The following KMT2C variants were observed in gnomAD, a reference collection of about 807,000 sequenced individuals.
KMT2C encodes histone-lysine N-methyltransferase 2C.
A neutral mutation model predicts 507.9 loss-of-function variants in KMT2C; 88 were observed. That is an observed-to-expected ratio of 0.17 (90% CI 0.15 to 0.21). The LOEUF is 0.21. Ranked by LOEUF, KMT2C falls within the 10% of genes least tolerant of loss-of-function variation. The pLI, the probability that KMT2C is intolerant of heterozygous loss-of-function variation, is 1.00. For missense variants in KMT2C, 4,954 were observed against 5,957.8 expected (o/e 0.83, Z 5.55); for synonymous variants, 2,049 against 2,080.8 (o/e 0.98, Z 0.42).
At position 152,352,744 on chromosome 7, in the gene KMT2C, G is replaced by C. The variant is rs574262341; in HGVS notation, c.250+5843C>G. ...AATACTATTCTCCACTAAAAAACTA[G>C]AAGTCCTTAGAGAATAGCTGATTTC... On this transcript the variant is annotated intron_variant, in intron 2 of 58. Coordinates refer to ENST00000262189, the MANE Select transcript of KMT2C (RefSeq NM_170606.3). Among the ~76,000 whole-genome samples the C allele has an allele frequency of 3.3e-5, 5 of 152,198 alleles. No homozygotes were observed. The East Asian group carries it at 9.6e-4, about 29-fold the overall frequency.
intron 6 of KMT2C, among the ~76,000 whole-genome samples, chr7:152,290,258 G>GTGTGTGTA (rs1337492088): frequency 7.6e-5 from 2 of 26,242 alleles, no homozygotes; most frequent in African/African-American, 2.8e-4. Context: ...GTGTGTATGT[G>GTGTGTGTA]TATATATATA....
rs555789247 is a variant in KMT2C at position 152,138,823 on chromosome 7, G to A, written c.14616C>T (p.Ser4872=). The change falls in exon 58 of 59, where the codon TCC becomes TCT. Residue 4872 remains serine, a synonymous_variant. Transcript: ENST00000262189. The surrounding 1 kb of genome is among the most constrained non-coding windows in gnomAD (Gnocchi z 4.2). The part of the protein sequence containing the change: ...FERGHKIIIS[S]SRRIQKGEEL... ...CTTCTCCTTTCTGGATTCTCCGACTGGAGCTGATGATAATTTTGTGTCCTC... is the reference window on the plus strand; with the variant it reads ...CTTCTCCTTTCTGGATTCTCCGACTAGAGCTGATGATAATTTTGTGTCCTC... 2 of 1,609,582 alleles carry A rather than the reference G, an allele frequency of 1.2e-6. No individual in the cohort carries two copies. The highest frequency in any genetic ancestry group is 1.1e-5 in the South Asian group (1 of 90,026).
chr7:152,169,127 C>T, intron 41 of KMT2C, 59 bp downstream of exon 41: 1 of 1,074,858 alleles, frequency 9.3e-7, no homozygotes, highest in Non-Finnish European at 1.5e-6. Flanking sequence ...TAGAACAGCA[C>T]ACATAGAGTG....
At chr7:152,277,333 A>G (rs73483017) in intron 6 of KMT2C, among the ~76,000 whole-genome samples, 6,758 of 152,254 alleles carry the variant, frequency 0.044, 238 homozygotes, top group South Asian at 0.089. Flanking sequence ...AAGTAAGAGA[A>G]AGAGGTAGAA....
In KMT2C at chr7:152,248,574, A is replaced by C. The variant is rs755300126; in HGVS notation, c.1860T>G (p.Ser620=). 6.2e-7 allele frequency: 1 copy of C among 1,613,558 alleles called. No homozygotes were observed. Among genetic ancestry groups the C allele is most frequent in the Non-Finnish European group, 8.5e-7 (1 of 1,179,580 alleles). The change falls in exon 14 of 59, where the codon TCT becomes TCG. Residue 620 remains serine, a synonymous_variant. Coordinates refer to ENST00000262189, the MANE Select transcript of KMT2C (RefSeq NM_170606.3). The stretch of plus-strand genomic sequence containing the variant: ...TCAGGTCTTCACTATCAACTTCATT[A>C]GAAATCTGTTTTTCCAATTCAGTAT... ...TVNTELEKQI[S]NEVDSEDLKM... is the part of the protein sequence containing the mutation.
intron 2 of KMT2C, among the ~76,000 whole-genome samples, chr7:152,345,741 A>C (rs760691156): frequency 6.6e-6 from 1 of 152,106 alleles, no homozygotes; most frequent in Non-Finnish European, 1.5e-5. Context: ...GGCTGGACTC[A>C]AACTCCTGAC....
rs1401087287 is a variant in KMT2C, at chr7:152,153,023, C to A, written c.12277-69G>T. 8 of 1,553,874 alleles carry A rather than the reference C, an allele frequency of 5.1e-6. No individual in the cohort carries two copies. In the African/African-American group the frequency reaches 9.5e-5, roughly 18 times the overall value. On this transcript the variant is annotated intron_variant, in intron 48 of 58. Transcript: ENST00000262189. Reference sequence around the variant, plus strand: ...CAGTGAACCACTGAAGAAAAATACACACTTAGGATAAATCCTCTTTGCATG... The same window carrying A: ...CAGTGAACCACTGAAGAAAAATACAAACTTAGGATAAATCCTCTTTGCATG...
At chr7:152,434,471 A>T (rs569649820) in intron 1 of KMT2C, among the ~76,000 whole-genome samples, 9 of 152,298 alleles carry the variant, frequency 5.9e-5, no homozygotes, top group Admixed American at 2.6e-4. Context: ...ATCACCAAAC[A>T]ACAATACTAT....
chr7:152,339,849 T>C (rs7799662), intron 2 of KMT2C, among the ~76,000 whole-genome samples: 18,431 of 152,144 alleles, frequency 0.12, 2,811 homozygotes, highest in African/African-American at 0.36. Flanking sequence ...CATATATAGA[T>C]ACAAAGATTT....
Position 152,222,016 on chromosome 7 carries a change from T to C in KMT2C, c.3484A>G (p.Lys1162Glu). ...CAAATTTTACCTAGCTCTTTTACTT[T>C]TGTGACAATTTGTGCTACAAGTGAA... ...ESSLVAQIVTKVKELDPPKTY... is the reference protein window; with the variant it reads ...ESSLVAQIVTEVKELDPPKTY... Residue 1162 changes from lysine (K) to glutamate (E), a missense_variant, in exon 22 of 59, where the codon AAA becomes GAA. Transcript: ENST00000262189. 6.2e-7 allele frequency: 1 copy of C among 1,605,338 alleles called. No individual in the cohort carries two copies. Among genetic ancestry groups the C allele is most frequent in the Non-Finnish European group, 8.5e-7 (1 of 1,176,592 alleles).
At chr7:152,364,176 C>T (rs954358200) in intron 1 of KMT2C, among the ~76,000 whole-genome samples, 1 of 152,178 alleles carries the variant, frequency 6.6e-6, no homozygotes, top group Non-Finnish European at 1.5e-5. Flanking sequence ...AACTTAACTA[C>T]TGGGCATAAT....
At chr7:152,325,466 G>T (rs76017108) in intron 3 of KMT2C, among the ~76,000 whole-genome samples, 1 of 136,438 alleles carries the variant, frequency 7.3e-6, no homozygotes, top group Non-Finnish European at 1.6e-5. Context: ...TTTTATGTGT[G>T]TTTTTTTTTT....
chr7:152,326,032 C>A (rs2096825693), intron 3 of KMT2C, among the ~76,000 whole-genome samples: 1 of 151,348 alleles, frequency 6.6e-6, no homozygotes, highest in Non-Finnish European at 1.5e-5. Flanking sequence ...AATCATGTAT[C>A]TGTATCTGGG....
intron 11 of KMT2C, among the ~76,000 whole-genome samples, chr7:152,251,195 C>T (rs1362936938): frequency 6.6e-6 from 1 of 152,118 alleles, no homozygotes; most frequent in Non-Finnish European, 1.5e-5. Context: ...GCCTGTAATC[C>T]TAACACTTTG....
intron 3 of KMT2C, among the ~76,000 whole-genome samples, chr7:152,328,205 T>A (rs2096848561): frequency 6.6e-6 from 1 of 152,320 alleles, no homozygotes; most frequent in Admixed American, 6.5e-5. Flanking sequence ...TCCTTTATTT[T>A]GAAAATGTTC....
At chr7:152,147,892 ACATTGG>A in intron 52 of KMT2C, 135 bp downstream of exon 52, 1 of 878,844 alleles carries the variant, frequency 1.1e-6, no homozygotes, top group Non-Finnish European at 1.7e-6. Context: ...GAGAACACAA[ACATTGG>A]CATTTGTAAA....
intron 1 of KMT2C, among the ~76,000 whole-genome samples, chr7:152,425,946 C>G (rs1368809949): frequency 1.3e-5 from 2 of 151,886 alleles, no homozygotes; most frequent in East Asian, 3.9e-4. Flanking sequence ...CTAATAAAAC[C>G]CTAGCCAGTA....
chr7:152,332,851 A>AAC (rs35781658), intron 2 of KMT2C, among the ~76,000 whole-genome samples: 30,792 of 138,396 alleles, frequency 0.22, 3,303 homozygotes, highest in Middle Eastern at 0.31. Context: ...TGCGTCTCAA[A>AAC]ACACACACAC....
At chr7:152,361,577 T>G (rs1293660820) in intron 1 of KMT2C, among the ~76,000 whole-genome samples, 1 of 151,968 alleles carries the variant, frequency 6.6e-6, no homozygotes, top group Non-Finnish European at 1.5e-5. Context: ...AAAAAAGAAT[T>G]TATTAAGTAG....
Sources: gnomAD v4.1 joint callset for allele counts (sites outside exome capture counted in the v4.1 genomes callset) on GRCh38, gnomAD v4.1.1 for gene constraint, Gnocchi (gnomAD v3.1) non-coding constraint, MANE v1.5 for transcripts, NCBI Gene and HGNC (gene_info 2026-07-23, HGNC 2026-07-21) for gene names.